The following IL1RAPL1 variants were observed in gnomAD, a reference collection of about 807,000 sequenced individuals.
IL1RAPL1 encodes interleukin 1 receptor accessory protein like 1.
IL1RAPL1 carries 3 observed loss-of-function variants against 48.4 expected under a neutral mutation model. The observed-to-expected ratio is 0.06, with a 90% CI of 0.03 to 0.16. IL1RAPL1 has a LOEUF of 0.16. Ranked by LOEUF, IL1RAPL1 falls within the 10% of genes least tolerant of loss-of-function variation. IL1RAPL1 has a pLI of 1.00. For missense variants in IL1RAPL1, 349 were observed against 530.6 expected (o/e 0.66, Z 3.36); for synonymous variants, 185 against 187.7 (o/e 0.99, Z 0.12).
intron 5 of IL1RAPL1, among the ~76,000 whole-genome samples, chrX:29,410,634 G>A (rs1194663549): frequency 2.7e-5 from 3 of 111,217 alleles, no homozygotes; most frequent in Non-Finnish European, 1.9e-5. Flanking sequence ...TCCATTTGCT[G>A]CTCTGAAACA....
At position 29,583,570 on chromosome X, in the gene IL1RAPL1, G is replaced by A. The variant is rs1355191514; in HGVS notation, c.704-84860G>A. Among the ~76,000 whole-genome samples the A allele has an allele frequency of 7.2e-5, 4 of 55,846 alleles. No homozygotes were observed. In the East Asian group the frequency reaches 2.2e-3, roughly 31 times the overall value. The allele number at this position is 55,846 out of a possible 115,157, so 48.5% of individuals were successfully genotyped here. On this transcript the variant is annotated intron_variant, in intron 5 of 10. Coordinates refer to ENST00000378993, the MANE Select transcript of IL1RAPL1 (RefSeq NM_014271.4). Reference sequence around the variant, plus strand: ...ACCACTGCTCAAGGAAATAAAAGAGGACACAAACAAATGGAAGAACATTCC... The same window carrying A: ...ACCACTGCTCAAGGAAATAAAAGAGAACACAAACAAATGGAAGAACATTCC...
At chrX:29,150,246 A>G (rs780132768) in intron 2 of IL1RAPL1, among the ~76,000 whole-genome samples, 76 of 112,085 alleles carry the variant, frequency 6.8e-4, no homozygotes, top group Middle Eastern at 4.7e-3. Flanking sequence ...AGGAATTTTC[A>G]TTCTAGAAAA....
chrX:28,957,524 A>G (rs1192022217), intron 2 of IL1RAPL1, among the ~76,000 whole-genome samples: 7 of 111,653 alleles, frequency 6.3e-5, no homozygotes, highest in South Asian at 3.7e-4. Flanking sequence ...ACCTATTCCA[A>G]TGTCTCTTAC....
chrX:28,730,829 C>G (rs1208638681), intron 1 of IL1RAPL1, among the ~76,000 whole-genome samples: 2 of 111,900 alleles, frequency 1.8e-5, no homozygotes, highest in Non-Finnish European at 3.8e-5. Context: ...TAATGAATGC[C>G]TAACAACTTA....
chrX:29,636,002 C>T (rs751765917), intron 5 of IL1RAPL1, among the ~76,000 whole-genome samples: 1 of 110,655 alleles, frequency 9.0e-6, no homozygotes, highest in South Asian at 3.8e-4. Context: ...TTAGCATAGA[C>T]CCAAAATACA....
At chrX:28,908,732 C>A (rs1923283634) in intron 2 of IL1RAPL1, among the ~76,000 whole-genome samples, 2 of 111,711 alleles carry the variant, frequency 1.8e-5, no homozygotes, top group Admixed American at 9.5e-5. Context: ...TTCAGTTCAA[C>A]TGTATCCTAA....
intron 6 of IL1RAPL1, 127 bp from the exon 7 acceptor site, chrX:29,917,337 A>C (rs1439183259): frequency 1.3e-5 from 8 of 630,607 alleles, no homozygotes; most frequent in Non-Finnish European, 1.9e-5. Flanking sequence ...AATCCCTGAA[A>C]AATTATTCTT....
chrX:29,187,550 A>G (rs1270364442), intron 2 of IL1RAPL1, among the ~76,000 whole-genome samples: 2 of 111,763 alleles, frequency 1.8e-5, no homozygotes, highest in Admixed American at 1.9e-4. Context: ...TATACTGGAC[A>G]GTAAGCATGC....
chrX:29,507,378 TC>T, intron 5 of IL1RAPL1, among the ~76,000 whole-genome samples: 1 of 7,230 alleles, frequency 1.4e-4, no homozygotes, highest in Non-Finnish European at 2.4e-4. Flanking sequence ...CTCCCTTCCC[TC>T]CCCTTCCCTT....
chrX:29,651,357 A>G (rs1474393422), intron 5 of IL1RAPL1, among the ~76,000 whole-genome samples: 1 of 111,548 alleles, frequency 9.0e-6, no homozygotes, highest in African/African-American at 3.3e-5. Flanking sequence ...TAGCCAAAGT[A>G]TGGAATCAAC....
At chrX:28,994,568 C>T (rs1349870079) in intron 2 of IL1RAPL1, among the ~76,000 whole-genome samples, 1 of 111,187 alleles carries the variant, frequency 9.0e-6, no homozygotes, top group Non-Finnish European at 1.9e-5. Context: ...GAGGCCCATA[C>T]CTCTGAATAG....
rs775617418 is a variant in IL1RAPL1 at position 28,774,271 on chromosome X, G to A, written c.-24-15049G>A. 3.6e-5 allele frequency among the ~76,000 whole-genome samples: 4 copies of A among 111,413 alleles called. No individual in the cohort carries two copies. The South Asian group carries it at 1.5e-3, about 42-fold the overall frequency. ...TATTTATCTTATATTGTTTCCATCT[G>A]TATTAGTTATCTATTGCTGCATAAA... On this transcript the variant is annotated intron_variant, in intron 1 of 10. Transcript: ENST00000378993.
intron 3 of IL1RAPL1, among the ~76,000 whole-genome samples, chrX:29,378,811 TC>T (rs1933657097): frequency 8.9e-6 from 1 of 112,145 alleles, no homozygotes; most frequent in African/African-American, 3.2e-5. Context: ...CCAGGCCTGC[TC>T]CTGGGTCTTA....
intron 5 of IL1RAPL1, among the ~76,000 whole-genome samples, chrX:29,534,697 G>A (rs951350025): frequency 6.3e-5 from 7 of 110,623 alleles, no homozygotes; most frequent in Non-Finnish European, 1.3e-4. Context: ...GGCCGGGCGC[G>A]GTGGCTCATG....
chrX:28,802,834 G>A (rs1367177853), intron 2 of IL1RAPL1, among the ~76,000 whole-genome samples: 2 of 111,364 alleles, frequency 1.8e-5, no homozygotes, highest in Non-Finnish European at 3.8e-5. Context: ...GGCTTTTTAG[G>A]ATTGATGAAA....
intron 5 of IL1RAPL1, among the ~76,000 whole-genome samples, chrX:29,439,021 C>CA (rs1422036820): frequency 9.0e-6 from 1 of 111,037 alleles, no homozygotes; most frequent in African/African-American, 3.3e-5. Context: ...CCTGTTACCA[C>CA]ATATACCTCT....
At chrX:28,750,502 T>A (rs998119421) in intron 1 of IL1RAPL1, among the ~76,000 whole-genome samples, 1 of 111,551 alleles carries the variant, frequency 9.0e-6, no homozygotes, top group Non-Finnish European at 1.9e-5. Context: ...TCAGAAAAAA[T>A]TTTATATAGA....
At chrX:28,797,381 T>C (rs774834446) in intron 2 of IL1RAPL1, among the ~76,000 whole-genome samples, 14 of 111,784 alleles carry the variant, frequency 1.3e-4, no homozygotes, top group Non-Finnish European at 2.3e-4. Flanking sequence ...TCCAAACTTT[T>C]ATGCTCTGCT....
At chrX:28,946,582 T>TAG (rs1182443403) in intron 2 of IL1RAPL1, among the ~76,000 whole-genome samples, 1 of 111,361 alleles carries the variant, frequency 9.0e-6, no homozygotes, top group Non-Finnish European at 1.9e-5. Flanking sequence ...AGAATAAACT[T>TAG]ATCCTCCAGT....
Sources: allele counts gnomAD v4.1 joint callset (sites outside exome capture counted in the v4.1 genomes callset), GRCh38; gene constraint gnomAD v4.1.1; transcripts MANE v1.5; gene names NCBI Gene and HGNC (gene_info 2026-07-23, HGNC 2026-07-21).